CCS: variants seen among roughly 807,000 people sequenced by gnomAD.
The protein encoded by CCS is superoxide dismutase copper chaperone.
In CCS, 32 loss-of-function variants were observed where a neutral mutation model predicts 35.5. The observed-to-expected ratio is 0.90, with a 90% CI of 0.68 to 1.21. The LOEUF (loss-of-function observed/expected upper bound fraction) is 1.21, where lower values mean the gene tolerates loss of function less well. CCS is among the 50% of genes most tolerant of loss of function. The pLI, the probability that CCS is intolerant of heterozygous loss-of-function variation, is 0.00. For missense variants in CCS, 342 were observed against 375.4 expected (o/e 0.91, Z 0.73); for synonymous variants, 130 against 147.2 (o/e 0.88, Z 0.84).
At chr11:66,602,252 G>A (rs1858583001) in intron 5 of CCS, among the ~76,000 whole-genome samples, 1 of 152,320 alleles carries the variant, frequency 6.6e-6, no homozygotes, top group South Asian at 2.1e-4. Flanking sequence ...GGTGCCTGCA[G>A]CTCAGGGTCT....
intron 5 of CCS, 140 bp from the exon 6 acceptor site, chr11:66,605,199 A>G (rs1858633861): frequency 6.5e-7 from 1 of 1,538,862 alleles, no homozygotes; most frequent in Non-Finnish European, 8.7e-7. Context: ...GGGAGCTCAG[A>G]TCCTACGAGA....
chr11:66,605,123 C>T (rs777205469), intron 5 of CCS: 44 of 1,520,716 alleles, frequency 2.9e-5, no homozygotes, highest in East Asian at 1.0e-4. Context: ...TCAGATGGTC[C>T]GGGACTTCCT....
At chr11:66,597,935 A>T (rs1418132431) in intron 2 of CCS, among the ~76,000 whole-genome samples, 1 of 151,496 alleles carries the variant, frequency 6.6e-6, no homozygotes, top group Non-Finnish European at 1.5e-5. Flanking sequence ...ATAAAAAAAG[A>T]TATAATTCAT....
intron 5 of CCS, among the ~76,000 whole-genome samples, chr11:66,603,481 C>T (rs189875408): frequency 8.5e-4 from 130 of 152,248 alleles, no homozygotes; most frequent in African/African-American, 3.0e-3. Context: ...GAGGCTGAGG[C>T]GGATGGGTCA....
In CCS at chr11:66,599,538, T is replaced by C; in HGVS notation, c.330T>C (p.Pro110=). The C allele has an allele frequency of 6.2e-7, 1 of 1,601,026 alleles. No homozygotes were observed. The highest frequency in any genetic ancestry group is 8.5e-7 in the Non-Finnish European group (1 of 1,174,570). The change falls in exon 4 of 8, where the codon CCT becomes CCC. Residue 110 remains proline (P), a synonymous_variant. Coordinates refer to ENST00000533244, the MANE Select transcript of CCS (RefSeq NM_005125.2). ...TGGTGCGCTTCCTACAGCTGACCCC[T>C]GAGCGCTGCCTCATCGAGGGAACTA... The part of the protein sequence containing the change: ...QGVVRFLQLT[P]ERCLIEGTID...
rs182830642 is a variant in CCS, at chr11:66,599,512, G to T, written c.304G>T (p.Val102Leu). 4.4e-6 allele frequency: 7 copies of T among 1,583,194 alleles called. No homozygotes were observed. The highest frequency in any genetic ancestry group is 6.0e-6 in the Non-Finnish European group (7 of 1,166,388). ...ILGGPGTVQG[V>L]VRFLQLTPER... ...GGGGGGGCCTGGCACCGTGCAGGGGGTGGTGCGCTTCCTACAGCTGACCCC... is the reference window on the plus strand; with the variant it reads ...GGGGGGGCCTGGCACCGTGCAGGGGTTGGTGCGCTTCCTACAGCTGACCCC... The change falls in exon 4 of 8, where the codon GTG (valine) becomes TTG (leucine). Residue 102 changes from valine (V) to leucine (L), a missense_variant. Val to Leu is a conservative substitution (Grantham distance 32). Coordinates refer to ENST00000533244, the MANE Select transcript of CCS (RefSeq NM_005125.2).
Position 66,600,475 on chromosome 11 carries a change from CCTTT to C in CCS, c.429-6_429-3del, listed in dbSNP as rs765347877. The C allele has an allele frequency of 2.0e-6, 3 of 1,511,568 alleles. No individual in the cohort carries two copies. The highest frequency in any genetic ancestry group is 2.1e-5 in the Admixed American group (1 of 46,976). 93.6% of individuals were successfully genotyped at this position (1,511,568 alleles called of 1,614,324 possible). On this transcript the variant is annotated splice_polypyrimidine_tract_variant and intron_variant, in intron 4 of 7. Coordinates refer to ENST00000533244, the MANE Select transcript of CCS (RefSeq NM_005125.2). ...GAGCTGCTTTCCTGCCCACCTGTTT[CCTTT>C]CTTTCTTAGCTGTGGGAATCACTTT...
At chr11:66,594,360 A>G (rs1312692856) in intron 2 of CCS, among the ~76,000 whole-genome samples, 1 of 152,102 alleles carries the variant, frequency 6.6e-6, no homozygotes, top group African/African-American at 2.4e-5. Context: ...CTCCGTCTCA[A>G]AAAAATAATA....
At chr11:66,595,346 A>G (rs1433820518) in intron 2 of CCS, among the ~76,000 whole-genome samples, 1 of 152,094 alleles carries the variant, frequency 6.6e-6, no homozygotes, top group South Asian at 2.1e-4. Context: ...TGGGTGGTGA[A>G]TGGGCCCTCC....
intron 5 of CCS, among the ~76,000 whole-genome samples, chr11:66,600,983 A>G (rs1487108111): frequency 6.6e-6 from 1 of 152,100 alleles, no homozygotes; most frequent in Non-Finnish European, 1.5e-5. Flanking sequence ...CTGGAGTTTC[A>G]TTTTTCAGCA....
At chr11:66,599,421 G>T in intron 3 of CCS, 38 bp from the exon 4 acceptor site, 1 of 1,511,192 alleles carries the variant, frequency 6.6e-7, no homozygotes, top group South Asian at 1.3e-5. Context: ...TGTGCTGGGT[G>T]AGGTGGCAAG....
chr11:66,604,777 T>C (rs1166649345), intron 5 of CCS, among the ~76,000 whole-genome samples: 1 of 150,664 alleles, frequency 6.6e-6, no homozygotes, highest in Non-Finnish European at 1.5e-5. Flanking sequence ...CAGAGCCAGC[T>C]TCGAGGGGCT....
chr11:66,602,323 C>G (rs953199691), intron 5 of CCS, among the ~76,000 whole-genome samples: 2 of 152,198 alleles, frequency 1.3e-5, no homozygotes, highest in African/African-American at 4.8e-5. Context: ...CAGGTTTGCT[C>G]ATGTTGCTGT....
chr11:66,600,624 G>C (rs1381080806), intron 5 of CCS, 75 bp downstream of exon 5: 1 of 695,070 alleles, frequency 1.4e-6, no homozygotes, highest in Non-Finnish European at 2.3e-6. Flanking sequence ...GCAGCTCTTG[G>C]GATCATAACA....
At chr11:66,596,320 A>G (rs1424064923) in intron 2 of CCS, among the ~76,000 whole-genome samples, 1 of 147,502 alleles carries the variant, frequency 6.8e-6, no homozygotes, top group Non-Finnish European at 1.5e-5. Flanking sequence ...ACCTGCCTCA[A>G]CCTCCCAAAG....
intron 5 of CCS, among the ~76,000 whole-genome samples, chr11:66,601,639 G>C (rs1204558732): frequency 6.6e-6 from 1 of 151,582 alleles, no homozygotes; most frequent in Non-Finnish European, 1.5e-5. Context: ...TGTGATCATG[G>C]CTCACTACAG....
At chr11:66,603,154 T>C (rs1858596555) in intron 5 of CCS, among the ~76,000 whole-genome samples, 1 of 152,136 alleles carries the variant, frequency 6.6e-6, no homozygotes, top group African/African-American at 2.4e-5. Context: ...GGACATTCAA[T>C]ACCCCACTCC....
At chr11:66,593,837 G>A in intron 2 of CCS, 123 bp downstream of exon 2, 2 of 907,042 alleles carry the variant, frequency 2.2e-6, no homozygotes, top group Non-Finnish European at 3.5e-6. Context: ...GAGAGTGAAA[G>A]GCATGTTCTC....
intron 5 of CCS, among the ~76,000 whole-genome samples, chr11:66,602,750 G>A (rs988457391): frequency 6.6e-6 from 1 of 152,224 alleles, no homozygotes; most frequent in Non-Finnish European, 1.5e-5. Flanking sequence ...TTTCTTCCTG[G>A]GCCCCAGGTG....
Sources: gnomAD v4.1 joint callset for allele counts (sites outside exome capture counted in the v4.1 genomes callset) on GRCh38, gnomAD v4.1.1 for gene constraint, MANE v1.5 for transcripts, NCBI Gene and HGNC (gene_info 2026-07-23, HGNC 2026-07-21) for gene names.